Variants in KTN1 observed in about 807,000 individuals in gnomAD.
KTN1 encodes kinectin 1, also known as kinectin.
KTN1 carries 130 observed loss-of-function variants against 222.5 expected under a neutral mutation model. The ratio of observed to expected loss-of-function variants is 0.58; its 90% CI spans 0.51 to 0.68. The LOEUF (loss-of-function observed/expected upper bound fraction) is 0.68, where lower values mean the gene tolerates loss of function less well. KTN1 is among the 30% of genes least tolerant of loss of function. The probability of loss-of-function intolerance (pLI) is 0.00; values close to 1 mark genes in which losing one functional copy is unlikely to be tolerated. For synonymous variants in KTN1, 512 were observed against 496.3 expected, an observed-to-expected ratio of 1.03 and a Z score of -0.42; for missense variants, 1,508 against 1,500.4, an observed-to-expected ratio of 1.01 and a Z score of -0.08.
intron 5 of KTN1, among the ~76,000 whole-genome samples, chr14:55,622,425 A>C (rs1003030047): frequency 6.6e-6 from 1 of 152,202 alleles, no homozygotes; most frequent in Non-Finnish European, 1.5e-5. Context: ...TAAAAACCCC[A>C]TGCAGCCAAC....
At chr14:55,634,425 A>C in intron 8 of KTN1, 101 bp from the exon 9 acceptor site, 1 of 1,018,922 alleles carries the variant, frequency 9.8e-7, no homozygotes, top group Non-Finnish European at 1.4e-6. Context: ...CTGTAAATGG[A>C]ACTACTAGCT....
At chr14:55,666,519 TTTATAATTGATATCCA>T (rs2044764771) in intron 33 of KTN1, among the ~76,000 whole-genome samples, 1 of 151,798 alleles carries the variant, frequency 6.6e-6, no homozygotes, top group African/African-American at 2.4e-5. Context: ...TGGTTTTGAG[TTTATAATTGATATCCA>T]TTAGACTTGG....
intron 8 of KTN1, 50 bp downstream of exon 8, chr14:55,633,391 T>A: frequency 9.0e-7 from 1 of 1,105,514 alleles, no homozygotes; most frequent in Admixed American, 2.4e-5. Flanking sequence ...AGTATTTTCT[T>A]GAATCATCAA....
Position 55,660,234 on chromosome 14 carries a change from C to T in KTN1, c.2999+531C>T, listed in dbSNP as rs564518509. Among the ~76,000 whole-genome samples the T allele has an allele frequency of 3.3e-4, 50 of 151,962 alleles. No individual in the cohort carries two copies. The Middle Eastern group carries it at 0.01, about 31-fold the overall frequency. ...GTCTCTACGAAAAGTTTAGAAATTC[C>T]GGGTGTGATGGCATGCACCTGTGGT... On this transcript the variant is annotated intron_variant, in intron 31 of 43. Coordinates refer to ENST00000395314, the MANE Select transcript of KTN1 (RefSeq NM_001079521.2).
At chr14:55,657,768 G>A (rs1249270393) in intron 29 of KTN1, among the ~76,000 whole-genome samples, 1 of 152,000 alleles carries the variant, frequency 6.6e-6, no homozygotes, top group African/African-American at 2.4e-5. Context: ...ACAAAAATTA[G>A]CCGGGCATGG....
chr14:55,637,463 C>G, intron 11 of KTN1, 99 bp downstream of exon 11: 2 of 841,682 alleles, frequency 2.4e-6, no homozygotes, highest in Non-Finnish European at 3.6e-6. Flanking sequence ...TATCCTAATT[C>G]TGAAATGATG....
chr14:55,636,411 TG>T, intron 9 of KTN1, 37 bp from the exon 10 acceptor site: 1 of 1,461,510 alleles, frequency 6.8e-7, no homozygotes, highest in African/African-American at 1.4e-5. Flanking sequence ...ATTCTGTGTT[TG>T]TGCTAATTTA....
In KTN1 at chr14:55,614,595, A is replaced by G. The variant is rs568350208; in HGVS notation, c.524-1922A>G. On this transcript the variant is annotated intron_variant, in intron 2 of 43. Coordinates refer to ENST00000395314, the MANE Select transcript of KTN1 (RefSeq NM_001079521.2). ...GCATTTTAAATGGTTGGGAAATAGA[A>G]TAATATTTTGAGAAATGTAAAAATG... 6.0e-4 allele frequency among the ~76,000 whole-genome samples: 92 copies of G among 152,336 alleles called. 4 individuals carry two copies. In the South Asian group the frequency reaches 0.019, roughly 32 times the overall value.
intron 1 of KTN1, among the ~76,000 whole-genome samples, chr14:55,588,663 A>G (rs573874289): frequency 1.3e-5 from 2 of 152,332 alleles, no homozygotes; most frequent in Admixed American, 6.5e-5. Flanking sequence ...GTGGTACAGT[A>G]TGTACTGCAG....
intron 1 of KTN1, among the ~76,000 whole-genome samples, chr14:55,591,344 G>C (rs1017028410): frequency 6.6e-6 from 1 of 151,904 alleles, no homozygotes; most frequent in Non-Finnish European, 1.5e-5. Context: ...TAGTTTTGGG[G>C]CTTATGACTA....
chr14:55,649,899 C>A, intron 22 of KTN1, 86 bp downstream of exon 22: 2 of 703,552 alleles, frequency 2.8e-6, no homozygotes, highest in Non-Finnish European at 4.7e-6. Context: ...TTTTATTGTG[C>A]AGTTGGGACA....
At chr14:55,607,854 C>A (rs958282066) in intron 1 of KTN1, among the ~76,000 whole-genome samples, 3 of 152,064 alleles carry the variant, frequency 2.0e-5, no homozygotes, top group African/African-American at 7.2e-5. Context: ...TGTGAATAGC[C>A]AATGTGGTCC....
intron 43 of KTN1, chr14:55,681,646 A>G (rs1209947075): frequency 6.6e-6 from 1 of 152,156 alleles, no homozygotes; most frequent in South Asian, 2.1e-4. Flanking sequence ...TGATAGCACA[A>G]CATTCTTTTG....
At chr14:55,625,786 A>G (rs1276646643) in intron 5 of KTN1, among the ~76,000 whole-genome samples, 3 of 151,942 alleles carry the variant, frequency 2.0e-5, no homozygotes, top group African/African-American at 7.3e-5. Context: ...GAAACATTTT[A>G]TGCATTTGTT....
chr14:55,667,125 T>A (rs1049213406), intron 33 of KTN1, 116 bp from the exon 34 acceptor site: 5 of 646,984 alleles, frequency 7.7e-6, no homozygotes, highest in African/African-American at 2.0e-5. Flanking sequence ...GTATTAAAAA[T>A]TTTTTTTAAA....
intron 42 of KTN1, chr14:55,679,276 G>C (rs1203694997): frequency 7.2e-6 from 2 of 277,466 alleles, no homozygotes; most frequent in Non-Finnish European, 1.3e-5. Flanking sequence ...TTCTTTTTCT[G>C]AAAGAAAAAA....
chr14:55,604,799 G>C (rs2036500970), intron 1 of KTN1, among the ~76,000 whole-genome samples: 1 of 151,936 alleles, frequency 6.6e-6, no homozygotes, highest in Non-Finnish European at 1.5e-5. Context: ...GGTTTTGAAG[G>C]ATAGGTGGAG....
chr14:55,596,515 C>A (rs2035066047), intron 1 of KTN1, among the ~76,000 whole-genome samples: 1 of 152,082 alleles, frequency 6.6e-6, no homozygotes, highest in Non-Finnish European at 1.5e-5. Context: ...CTACTTGTGG[C>A]TATATTTTAG....
At chr14:55,645,179 T>A (rs1191746220) in intron 18 of KTN1, among the ~76,000 whole-genome samples, 2 of 152,270 alleles carry the variant, frequency 1.3e-5, no homozygotes, top group East Asian at 3.9e-4. Context: ...AAAATGAGCA[T>A]GAATTTGCCA....
Sources: gnomAD v4.1 joint callset for allele counts (sites outside exome capture counted in the v4.1 genomes callset) on GRCh38, gnomAD v4.1.1 for gene constraint, MANE v1.5 for transcripts, NCBI Gene and HGNC (gene_info 2026-07-23, HGNC 2026-07-21) for gene names.